Variants in LDB2 observed in about 807,000 individuals in gnomAD.
The protein encoded by LDB2 is LIM domain-binding protein 2.
In LDB2, 12 loss-of-function variants were observed where a neutral mutation model predicts 44.3. The observed-to-expected ratio is 0.27, with a 90% CI of 0.17 to 0.44. LDB2 has a LOEUF of 0.44. Among genes scored for constraint, LDB2 ranks in the 20% least tolerant of loss-of-function variants. LDB2 has a pLI of 1.00. For missense variants in LDB2, 344 were observed against 473.5 expected (o/e 0.73, Z 2.54); for synonymous variants, 164 against 174.8 (o/e 0.94, Z 0.49).
chr4:16,865,875 T>C (rs1355712105), intron 1 of LDB2, among the ~76,000 whole-genome samples: 1 of 152,182 alleles, frequency 6.6e-6, no homozygotes, highest in African/African-American at 2.4e-5. Flanking sequence ...CTTGCCACTT[T>C]CTCCATCTAG....
At chr4:16,563,152 C>A (rs1743050303) in intron 5 of LDB2, among the ~76,000 whole-genome samples, 1 of 151,640 alleles carries the variant, frequency 6.6e-6, no homozygotes, top group African/African-American at 2.4e-5. Context: ...ACCAGCATGG[C>A]ACATGTATAC....
chr4:16,650,250 G>A (rs2152523413), intron 2 of LDB2, among the ~76,000 whole-genome samples: 1 of 152,276 alleles, frequency 6.6e-6, no homozygotes. Context: ...CTTGTCTGAT[G>A]GGACTGTGTG....
At chr4:16,560,220 G>A (rs2152376692) in intron 5 of LDB2, among the ~76,000 whole-genome samples, 1 of 152,274 alleles carries the variant, frequency 6.6e-6, no homozygotes, top group East Asian at 1.9e-4. Flanking sequence ...TAAAATCAGA[G>A]CAGAACTGAA....
chr4:16,837,674 G>A lies in LDB2; in HGVS notation c.132+60680C>T, dbSNP rs1785119046. ...CTGCCAAACATGTGCATAAGGCCACGTTCAATCACCCAGCCCACGTTGCCA... is the reference window on the plus strand; with the variant it reads ...CTGCCAAACATGTGCATAAGGCCACATTCAATCACCCAGCCCACGTTGCCA... On this transcript the variant is annotated intron_variant, in intron 1 of 7. Transcript: ENST00000304523. 3.3e-5 allele frequency among the ~76,000 whole-genome samples: 5 copies of A among 152,294 alleles called. No homozygotes were observed. In the South Asian group the frequency reaches 1.0e-3, roughly 32 times the overall value.
At chr4:16,581,936 GAAA>G (rs1357991013) in intron 5 of LDB2, among the ~76,000 whole-genome samples, 3 of 149,574 alleles carry the variant, frequency 2.0e-5, no homozygotes, top group Admixed American at 6.7e-5. Flanking sequence ...AAGAAAGAAA[GAAA>G]GGAAGGGAGG....
intron 3 of LDB2, among the ~76,000 whole-genome samples, chr4:16,589,722 G>A (rs1578037051): frequency 6.6e-6 from 1 of 152,256 alleles, no homozygotes; most frequent in African/African-American, 2.4e-5. Flanking sequence ...AGTGGTGGTA[G>A]TGTATTGGTT....
chr4:16,817,108 T>C (rs1369620309), intron 1 of LDB2, among the ~76,000 whole-genome samples: 1 of 152,232 alleles, frequency 6.6e-6, no homozygotes, highest in African/African-American at 2.4e-5. Context: ...ATACCAGGCA[T>C]GTAACGCACT....
At chr4:16,784,915 A>G (rs918582123) in intron 1 of LDB2, among the ~76,000 whole-genome samples, 10 of 151,788 alleles carry the variant, frequency 6.6e-5, no homozygotes, top group Non-Finnish European at 1.3e-4. Context: ...GACTGTCGAC[A>G]CCCCTTTGCT....
intron 1 of LDB2, among the ~76,000 whole-genome samples, chr4:16,891,397 C>A (rs562154428): frequency 1.3e-4 from 20 of 148,684 alleles, no homozygotes; most frequent in African/African-American, 5.0e-4. Context: ...ACTGCAGCCT[C>A]CGTCTCCCAG....
chr4:16,521,826 T>C (rs1342123312), intron 5 of LDB2, among the ~76,000 whole-genome samples: 1 of 152,204 alleles, frequency 6.6e-6, no homozygotes, highest in East Asian at 1.9e-4. Context: ...CTCTATTAAA[T>C]TATGAGGTGT....
intron 2 of LDB2, among the ~76,000 whole-genome samples, chr4:16,747,152 C>G (rs1764558032): frequency 6.6e-6 from 1 of 152,128 alleles, no homozygotes; most frequent in Admixed American, 6.5e-5. Context: ...GCTGGTGGAC[C>G]ATTTTCTTAA....
chr4:16,517,137 G>C (rs192296057), intron 5 of LDB2, among the ~76,000 whole-genome samples: 2 of 152,164 alleles, frequency 1.3e-5, no homozygotes, highest in African/African-American at 2.4e-5. Context: ...GTTGGGAGCT[G>C]CCATTCCTAC....
intron 2 of LDB2, among the ~76,000 whole-genome samples, chr4:16,656,088 G>A (rs553383013): frequency 6.6e-6 from 1 of 152,006 alleles, no homozygotes; most frequent in East Asian, 1.9e-4. Flanking sequence ...TTTTAGTAGA[G>A]ACGGGGTTTT....
At chr4:16,850,250 A>C (rs1443337003) in intron 1 of LDB2, among the ~76,000 whole-genome samples, 2 of 152,162 alleles carry the variant, frequency 1.3e-5, no homozygotes, top group Non-Finnish European at 2.9e-5. Context: ...AAAGCCTGGA[A>C]TAAGGGAAAT....
intron 2 of LDB2, among the ~76,000 whole-genome samples, chr4:16,749,292 C>T (rs1024820740): frequency 4.0e-5 from 6 of 151,626 alleles, no homozygotes; most frequent in Admixed American, 1.3e-4. Flanking sequence ...ATATGAGTCT[C>T]GGCGGGGTGT....
At chr4:16,771,412 C>A (rs560175445) in intron 1 of LDB2, among the ~76,000 whole-genome samples, 1 of 152,250 alleles carries the variant, frequency 6.6e-6, no homozygotes, top group South Asian at 2.1e-4. Flanking sequence ...CAGTGACACC[C>A]AAGTACATAT....
intron 2 of LDB2, among the ~76,000 whole-genome samples, chr4:16,748,603 T>C (rs1428904392): frequency 6.6e-6 from 1 of 152,174 alleles, no homozygotes; most frequent in African/African-American, 2.4e-5. Flanking sequence ...ATAAGGTGTG[T>C]TCACAGTTCT....
At chr4:16,894,180 A>G (rs57695492) in intron 1 of LDB2, among the ~76,000 whole-genome samples, 5,653 of 152,238 alleles carry the variant, frequency 0.037, 340 homozygotes, top group African/African-American at 0.13. Flanking sequence ...TGTTAAAACT[A>G]TATAATTGTG....
intron 2 of LDB2, among the ~76,000 whole-genome samples, chr4:16,663,757 T>A (rs1742258504): frequency 6.6e-6 from 1 of 152,200 alleles, no homozygotes; most frequent in Admixed American, 6.5e-5. Context: ...TTATCATAAC[T>A]ACATAGATAG....
Sources: allele counts gnomAD v4.1 joint callset (sites outside exome capture counted in the v4.1 genomes callset), GRCh38; gene constraint gnomAD v4.1.1; transcripts MANE v1.5; gene names NCBI Gene and HGNC (gene_info 2026-07-23, HGNC 2026-07-21).